The following WDR43 variants were observed in gnomAD, a reference collection of about 807,000 sequenced individuals.
The protein encoded by WDR43 is WD repeat-containing protein 43.
In WDR43, 13 loss-of-function variants were observed where a neutral mutation model predicts 91.4. The observed-to-expected ratio is 0.14, with a 90% CI of 0.09 to 0.23. WDR43 has a LOEUF of 0.23. WDR43 is among the 10% of genes least tolerant of loss of function. The pLI is 1.00. For synonymous variants in WDR43, 331 were observed against 287.9 expected, an observed-to-expected ratio of 1.15 and a Z score of -1.51; for missense variants, 780 against 809.4, an observed-to-expected ratio of 0.96 and a Z score of 0.44.
intron 4 of WDR43, among the ~76,000 whole-genome samples, chr2:28,913,111 G>A (rs983468482): frequency 2.0e-5 from 3 of 151,646 alleles, no homozygotes; most frequent in African/African-American, 4.8e-5. Context: ...CCGCCACCAC[G>A]CGTGGCTAAT....
At chr2:28,911,083 T>C (rs1670788598) in intron 3 of WDR43, among the ~76,000 whole-genome samples, 3 of 151,872 alleles carry the variant, frequency 2.0e-5, no homozygotes, top group African/African-American at 7.3e-5. Flanking sequence ...TTTTTCTTTA[T>C]AATTTCTGGT....
intron 11 of WDR43, among the ~76,000 whole-genome samples, chr2:28,932,800 A>C (rs377069755): frequency 6.6e-6 from 1 of 152,216 alleles, no homozygotes; most frequent in Admixed American, 6.5e-5. Context: ...AGCTTATGCA[A>C]AAAGAGAAGC....
At position 28,894,712 on chromosome 2, in the gene WDR43, G is replaced by C; in HGVS notation, c.14G>C (p.Gly5Ala). MAAG[G>A]GGSCDPLAPA... ...GCCAGAGCAGCAATGGCGGCGGGCG[G>C]CGGCGGTAGCTGCGACCCCCTGGCC... The change falls in exon 1 of 18, where the codon GGC becomes GCC. Residue 5 changes from glycine to alanine, a missense_variant. Gly to Ala is a moderately conservative substitution (Grantham distance 60). This residue lies in a region of WDR43 where 175 missense variants were observed against 113.8 expected (regional missense o/e 1.54). Coordinates refer to ENST00000407426, the MANE Select transcript of WDR43 (RefSeq NM_015131.3). 2.6e-6 allele frequency: 4 copies of C among 1,561,262 alleles called. No homozygotes were observed. The highest frequency in any genetic ancestry group is 3.5e-6 in the Non-Finnish European group (4 of 1,153,940).
At chr2:28,914,821 C>T (rs4666136) in intron 5 of WDR43, among the ~76,000 whole-genome samples, 40,315 of 151,816 alleles carry the variant, frequency 0.27, 6,520 homozygotes, top group East Asian at 0.77. Flanking sequence ...CCCAGCTACT[C>T]GGGAGGCTGA....
At chr2:28,927,388 C>A in intron 9 of WDR43, 181 bp from the exon 10 acceptor site, 1 of 719,412 alleles carries the variant, frequency 1.4e-6, no homozygotes, top group Non-Finnish European at 2.2e-6. Flanking sequence ...CACAGTCTTT[C>A]AGATTGTCAC....
intron 1 of WDR43, among the ~76,000 whole-genome samples, chr2:28,898,469 A>G (rs1439121583): frequency 1.3e-5 from 2 of 152,252 alleles, no homozygotes. Context: ...TTGATTTGTT[A>G]TAAATACTGT....
At position 28,917,875 on chromosome 2, in the gene WDR43, G is replaced by A. The variant is rs1256144941; in HGVS notation, c.747-18G>A. The stretch of plus-strand genomic sequence containing the variant: ...TTAAATCTGTCTTGCTATCTAACTT[G>A]CTGGTTTTGTTATCTAGGCAGGTCC... On this transcript the variant is annotated intron_variant, in intron 5 of 17. Coordinates refer to ENST00000407426, the MANE Select transcript of WDR43 (RefSeq NM_015131.3). The A allele has an allele frequency of 3.2e-6, 5 of 1,557,422 alleles. No individual in the cohort carries two copies. The highest frequency in any genetic ancestry group is 2.4e-5 in the South Asian group (2 of 83,394).
intron 11 of WDR43, among the ~76,000 whole-genome samples, chr2:28,930,357 C>A (rs1208812670): frequency 1.3e-5 from 2 of 152,090 alleles, no homozygotes. Context: ...AAAAACAGTT[C>A]GATTCAAGTA....
rs759272933 is a variant in WDR43 at position 28,912,550 on chromosome 2, C to G, written c.486-40C>G. ...TTTTCTGCTCTGAGTAAAGTTTTCT[C>G]TCATGTATTGAGATGCTTTTTTTTC... On this transcript the variant is annotated intron_variant, in intron 3 of 17. Transcript: ENST00000407426. 32 of 1,590,626 alleles carry G rather than the reference C, an allele frequency of 2.0e-5. No individual in the cohort carries two copies. The Admixed American group carries it at 4.4e-4, about 22-fold the overall frequency.
rs752256139 is a variant in WDR43, at chr2:28,922,983, GGTAA to G, written c.914+6_914+9del. 1.9e-6 allele frequency: 3 copies of G among 1,607,970 alleles called. No homozygotes were observed. Among genetic ancestry groups the G allele is most frequent in the Non-Finnish European group, 2.5e-6 (3 of 1,178,130 alleles). On this transcript the variant is annotated splice_donor_variant and splice_donor_region_variant and intron_variant, in intron 7 of 17. Coordinates refer to ENST00000407426, the MANE Select transcript of WDR43 (RefSeq NM_015131.3). LOFTEE classifies it high-confidence loss of function. ...CATCTTTTTGAACACATATTAAATG[GGTAA>G]GTAAGAAATTTTCCAAGTAAGAAAT...
At chr2:28,895,004 G>T (rs1670448197) in intron 1 of WDR43, 81 bp downstream of exon 1, 2 of 1,346,176 alleles carry the variant, frequency 1.5e-6, no homozygotes, top group African/African-American at 1.6e-5. Flanking sequence ...GCGTGGTCCG[G>T]CATCGCGCGT....
At chr2:28,944,484 C>T (rs1245924722) in intron 16 of WDR43, among the ~76,000 whole-genome samples, 3 of 152,142 alleles carry the variant, frequency 2.0e-5, no homozygotes, top group African/African-American at 4.8e-5. Flanking sequence ...AGCTTTAAAA[C>T]ATATATGTAG....
chr2:28,894,761 C>T lies in WDR43; in HGVS notation c.63C>T (p.Phe21=), dbSNP rs758267936. The T allele has an allele frequency of 2.5e-6, 4 of 1,602,210 alleles. No individual in the cohort carries two copies. The highest frequency in any genetic ancestry group is 3.4e-6 in the Non-Finnish European group (4 of 1,174,890). ...PLAPAGVPCA[F]SPHSQAYFAL... is the part of the protein sequence containing the mutation. ...CCCCTGCTGGGGTCCCTTGCGCCTT[C>T]TCCCCGCACAGCCAGGCCTACTTCG... Residue 21 remains phenylalanine (F), a synonymous_variant, in exon 1 of 18, where the codon TTC becomes TTT. Transcript: ENST00000407426.
intron 6 of WDR43, among the ~76,000 whole-genome samples, chr2:28,921,094 T>C (rs888932390): frequency 1.3e-5 from 2 of 151,936 alleles, no homozygotes; most frequent in African/African-American, 2.4e-5. Context: ...TTTAAAATTA[T>C]TGATAATAAA....
intron 8 of WDR43, 58 bp downstream of exon 8, chr2:28,925,211 A>G: frequency 1.4e-6 from 2 of 1,412,262 alleles, no homozygotes; most frequent in Non-Finnish European, 9.3e-7. Flanking sequence ...CATGGAAGAG[A>G]GTGATTTTAA....
intron 3 of WDR43, among the ~76,000 whole-genome samples, chr2:28,912,189 C>T (rs114755130): frequency 0.014 from 2,164 of 152,210 alleles, 48 homozygotes; most frequent in African/African-American, 0.05. Flanking sequence ...CCAGAGAAAG[C>T]GAGAATTGAG....
intron 6 of WDR43, 70 bp from the exon 7 acceptor site, chr2:28,922,849 T>A: frequency 8.3e-7 from 1 of 1,204,236 alleles, no homozygotes; most frequent in African/African-American, 1.5e-5. Context: ...GACAGCTGAG[T>A]TTTCATAAGG....
chr2:28,898,854 T>C (rs942522775), intron 1 of WDR43, among the ~76,000 whole-genome samples: 3 of 152,356 alleles, frequency 2.0e-5, no homozygotes, highest in South Asian at 2.1e-4. Flanking sequence ...GTCATTACTT[T>C]AATTGCTGTA....
intron 16 of WDR43, among the ~76,000 whole-genome samples, chr2:28,944,378 TATAG>T (rs758626612): frequency 1.3e-5 from 2 of 152,238 alleles, no homozygotes; most frequent in African/African-American, 2.4e-5. Flanking sequence ...ATGTGATAAA[TATAG>T]ATAGACTTTT....
Sources: gnomAD v4.1 joint callset for allele counts (sites outside exome capture counted in the v4.1 genomes callset) on GRCh38, gnomAD v4.1.1 for gene constraint, gnomAD v4.1.1 regional missense constraint, MANE v1.5 for transcripts, NCBI Gene and HGNC (gene_info 2026-07-23, HGNC 2026-07-21) for gene names.